The following TTF2 variants were observed in gnomAD, a reference collection of about 807,000 sequenced individuals.
TTF2 encodes transcription termination factor 2.
Under a neutral mutation model 142.4 loss-of-function variants are expected in TTF2, and 108 were observed. The ratio of observed to expected loss-of-function variants is 0.76; its 90% CI spans 0.65 to 0.89. The LOEUF (loss-of-function observed/expected upper bound fraction) is 0.89, where lower values mean the gene tolerates loss of function less well. Among genes scored for constraint, TTF2 ranks in the 40% least tolerant of loss-of-function variants. The probability of loss-of-function intolerance (pLI) is 0.00; values close to 1 mark genes in which losing one functional copy is unlikely to be tolerated. For synonymous variants in TTF2, 483 were observed against 506.2 expected (o/e 0.95, Z 0.61); for missense variants, 1,327 against 1,379.8 (o/e 0.96, Z 0.61).
Position 117,101,545 on chromosome 1 carries a change from A to T in TTF2, c.*21A>T, listed in dbSNP as rs1376564999. The T allele has an allele frequency of 1.3e-6, 2 of 1,554,754 alleles. No homozygotes were observed. The highest frequency in any genetic ancestry group is 1.7e-6 in the Non-Finnish European group (2 of 1,158,732). ...TCTAACCTCCTGTGGATAAGGGCTC[A>T]GAATAGCACCATTGCTGGTTTGTAT... On this transcript the variant is annotated 3_prime_UTR_variant, in exon 23 of 23. Coordinates refer to ENST00000369466, the MANE Select transcript of TTF2 (RefSeq NM_003594.4). The surrounding 1 kb of genome is among the most constrained non-coding windows in gnomAD (Gnocchi z 5.9).
chr1:117,060,428 T>G (rs762205648), intron 1 of TTF2, 27 bp from the exon 2 acceptor site: 1 of 1,611,114 alleles, frequency 6.2e-7, no homozygotes, highest in Non-Finnish European at 8.5e-7. Flanking sequence ...CGTGGCGTAA[T>G]CGTTGTTCAC....
rs201151490 is a variant in TTF2 at position 117,075,881 on chromosome 1, G to A, written c.1275+22G>A. 1.3e-5 allele frequency: 20 copies of A among 1,581,388 alleles called. No homozygotes were observed. In the East Asian group the frequency reaches 4.2e-4, roughly 34 times the overall value. On this transcript the variant is annotated intron_variant, in intron 5 of 22. Transcript: ENST00000369466. The surrounding 1 kb of genome is among the most constrained non-coding windows in gnomAD (Gnocchi z 4.5). ...GAAGGTAACTATTGACTCGTGTTTT[G>A]TTTCTGAGGTCAGAGCATTGCTTGT... is the stretch of plus-strand genomic sequence containing the variant.
rs1468584152 is a variant in TTF2, at chr1:117,105,199, G to A, written c.*3675G>A. On this transcript the variant is annotated 3_prime_UTR_variant, in exon 23 of 23. Transcript: ENST00000369466. The surrounding 1 kb of genome is among the most constrained non-coding windows in gnomAD (Gnocchi z 4.7). ...GCTGTGGGACAAGGTCTGGGAATAT[G>A]AGAACCAGCAGCAGCATGGGTGCAG... 1 of 152,234 alleles carries A rather than the reference G, an allele frequency of 6.6e-6. No homozygotes were observed. 9.4% of individuals were successfully genotyped at this position (152,234 alleles called of 1,614,324 possible). A position where few individuals can be genotyped will look rare whatever the true frequency, so the allele number is the denominator to read the frequency against.
At position 117,106,435 on chromosome 1, in the gene TTF2, C is replaced by T. The variant is rs963989630; in HGVS notation, c.*4911C>T. ...AGAGACTACTTCAGAAAGGATGAGA[C>T]TATTTTCTTGCTTAATTATCCACAC... On this transcript the variant is annotated 3_prime_UTR_variant, in exon 23 of 23. Transcript: ENST00000369466. The T allele has an allele frequency of 6.6e-6, 1 of 152,190 alleles. No homozygotes were observed. The highest frequency in any genetic ancestry group is 1.5e-5 in the Non-Finnish European group (1 of 68,032). 9.4% of individuals were successfully genotyped at this position (152,190 alleles called of 1,614,324 possible).
chr1:117,060,924 CAT>C (rs1440114834), intron 2 of TTF2, among the ~76,000 whole-genome samples: 1 of 152,204 alleles, frequency 6.6e-6, no homozygotes, highest in Non-Finnish European at 1.5e-5. Context: ...ACACAGCAGA[CAT>C]AGTGGAAAAT....
Position 117,076,929 on chromosome 1 carries a change from ACCTGTGGTT to A in TTF2, c.1573+108_1573+116del. The A allele has an allele frequency of 9.1e-7, 1 of 1,094,904 alleles. No individual in the cohort carries two copies. The allele number at this position is 1,094,904 out of a possible 1,614,324, so 67.8% of individuals were successfully genotyped here. A position where few individuals can be genotyped will look rare whatever the true frequency, so the allele number is the denominator to read the frequency against. On this transcript the variant is annotated intron_variant, in intron 7 of 22. Coordinates refer to ENST00000369466, the MANE Select transcript of TTF2 (RefSeq NM_003594.4). This position sits in a 1 kb window ranked among gnomAD's most constrained non-coding sequence, Gnocchi z 4.6. ...TCCACACTTTCAGTTAACCTTAGTC[ACCTGTGGTT>A]CAAAAAAAGGTGAGTACAGTACAGT...
At position 117,079,325 on chromosome 1, in the gene TTF2, G is replaced by T. The variant is rs55757120; in HGVS notation, c.1702-243G>T. Among the ~76,000 whole-genome samples, 2 of 152,218 alleles carry T rather than the reference G, an allele frequency of 1.3e-5. No homozygotes were observed. Among genetic ancestry groups the T allele is most frequent in the East Asian group, 3.9e-4 (2 of 5,176 alleles). ...ATCAGGACTCTCACTTGGGGTGTAG[G>T]GGGGACTCTTAATAGAAATGCTGAA... On this transcript the variant is annotated intron_variant, in intron 8 of 22. Transcript: ENST00000369466. This position sits in a 1 kb window ranked among gnomAD's most constrained non-coding sequence, Gnocchi z 4.2.
chr1:117,078,297 A>C (rs1360292424), intron 8 of TTF2, among the ~76,000 whole-genome samples: 1 of 152,232 alleles, frequency 6.6e-6, no homozygotes, highest in African/African-American at 2.4e-5. Flanking sequence ...GTGCCACAAG[A>C]ATGTGAAGGA....
At chr1:117,074,271 C>T (rs138278442) in intron 4 of TTF2, among the ~76,000 whole-genome samples, 2,443 of 152,254 alleles carry the variant, frequency 0.016, 34 homozygotes, top group Middle Eastern at 0.024. Context: ...TGTTTTAAGA[C>T]AATGTTTAGG....
In TTF2 at chr1:117,070,648, T is replaced by G. The variant is rs1656500724; in HGVS notation, c.219-3013T>G. Among the ~76,000 whole-genome samples, 1 of 152,258 alleles carries G rather than the reference T, an allele frequency of 6.6e-6. No homozygotes were observed. The highest frequency in any genetic ancestry group is 2.4e-5 in the African/African-American group (1 of 41,474). ...AGTAGCACCCACTGATGGCAGCTGT[T>G]ACTTTGAATTTTATGCATTCAAAGC... On this transcript the variant is annotated intron_variant, in intron 3 of 22. Transcript: ENST00000369466. The surrounding 1 kb of genome is among the most constrained non-coding windows in gnomAD (Gnocchi z 4.2).
intron 3 of TTF2, among the ~76,000 whole-genome samples, chr1:117,064,020 C>T (rs1655889510): frequency 6.6e-6 from 1 of 152,154 alleles, no homozygotes; most frequent in South Asian, 2.1e-4. Context: ...CCCTTCTGCC[C>T]TCTTCACTCC....
chr1:117,086,486 A>G lies in TTF2; in HGVS notation c.2124A>G (p.Gln708=). 6.2e-7 allele frequency: 1 copy of G among 1,614,134 alleles called. No individual in the cohort carries two copies. The highest frequency in any genetic ancestry group is 8.5e-7 in the Non-Finnish European group (1 of 1,180,006). The change falls in exon 12 of 23, where the codon CAA becomes CAG. Residue 708 remains glutamine (Q), a synonymous_variant. Coordinates refer to ENST00000369466, the MANE Select transcript of TTF2 (RefSeq NM_003594.4). The surrounding 1 kb of genome is among the most constrained non-coding windows in gnomAD (Gnocchi z 4.2). ...CCAAGGAGATTCCCACAAACAAGCA[A>G]GAGGCAGAGATCCCAGGTGCAAACC... ...LVAKEIPTNK[Q]EAEIPGANLN... is the part of the protein sequence containing the mutation.
At chr1:117,077,489 CGTGTGTGTGTAA>C (rs1431870263) in intron 7 of TTF2, among the ~76,000 whole-genome samples, 3 of 152,042 alleles carry the variant, frequency 2.0e-5, no homozygotes, top group Admixed American at 6.6e-5. Context: ...CTTATTCTTT[CGTGTGTGTGTAA>C]GTGTGTGTAA....
chr1:117,090,763 C>A lies in TTF2; in HGVS notation c.2588+140C>A. On this transcript the variant is annotated intron_variant, in intron 15 of 22. Transcript: ENST00000369466. The surrounding 1 kb of genome is among the most constrained non-coding windows in gnomAD (Gnocchi z 4.8). ...TGTCTGTATTCCCTTTTTTTTTTTACCCCATTTTTCTCCTTCTCCCCTCCC... is the reference window on the plus strand; with the variant it reads ...TGTCTGTATTCCCTTTTTTTTTTTAACCCATTTTTCTCCTTCTCCCCTCCC... 2 of 725,420 alleles carry A rather than the reference C, an allele frequency of 2.8e-6. No individual in the cohort carries two copies. The highest frequency in any genetic ancestry group is 4.4e-6 in the Non-Finnish European group (2 of 451,466). The allele number at this position is 725,420 out of a possible 1,614,324, so 44.9% of individuals were successfully genotyped here. A position where few individuals can be genotyped will look rare whatever the true frequency, so the allele number is the denominator to read the frequency against.
At chr1:117,068,311 G>A (rs973422593) in intron 3 of TTF2, among the ~76,000 whole-genome samples, 2 of 152,060 alleles carry the variant, frequency 1.3e-5, no homozygotes, top group Admixed American at 6.6e-5. Flanking sequence ...ACCAAACACC[G>A]CATGTTCTTA....
At position 117,076,715 on chromosome 1, in the gene TTF2, C is replaced by CTGGT. The variant is rs1312223608; in HGVS notation, c.1466_1469dup (p.Pro491GlyfsTer52). On this transcript the variant is annotated frameshift_variant, in exon 7 of 23. Transcript: ENST00000369466. LOFTEE classifies it high-confidence loss of function. This position sits in a 1 kb window ranked among gnomAD's most constrained non-coding sequence, Gnocchi z 4.6. The stretch of plus-strand genomic sequence containing the variant: ...CAAAACTACCACTGGCCCTCCCCAC[C>CTGGT]TGGTGCCTCCCCAACCCCTTCCTCG... 8.7e-6 allele frequency: 14 copies of CTGGT among 1,614,178 alleles called. No individual in the cohort carries two copies. Among genetic ancestry groups the CTGGT allele is most frequent in the Non-Finnish European group, 1.2e-5 (14 of 1,180,020 alleles).
rs775852351 is a variant in TTF2 at position 117,086,428 on chromosome 1, A to G, written c.2066A>G (p.Tyr689Cys). The change falls in exon 12 of 23, where the codon TAT (tyrosine) becomes TGT (cysteine). Residue 689 changes from tyrosine (Y) to cysteine (C), a missense_variant. By Grantham distance (194) the Tyr-to-Cys change is radical. Coordinates refer to ENST00000369466, the MANE Select transcript of TTF2 (RefSeq NM_003594.4). The surrounding 1 kb of genome is among the most constrained non-coding windows in gnomAD (Gnocchi z 4.2). ...RDSRARVLST[Y>C]DIVITTYSLV... is the part of the protein sequence containing the mutation. ...TTATGTCTACGCAGCCTCTCTACAT[A>G]TGACATCGTGATCACTACCTATAGC... 7 of 1,613,742 alleles carry G rather than the reference A, an allele frequency of 4.3e-6. No individual in the cohort carries two copies. The highest frequency in any genetic ancestry group is 1.1e-5 in the South Asian group (1 of 91,076).
At chr1:117,065,340 G>A (rs1193885901) in intron 3 of TTF2, among the ~76,000 whole-genome samples, 1 of 152,100 alleles carries the variant, frequency 6.6e-6, no homozygotes, top group Non-Finnish European at 1.5e-5. Flanking sequence ...AGCTGGGCGC[G>A]GCAATCCTAG....
At position 117,079,641 on chromosome 1, in the gene TTF2, G is replaced by T. The variant is rs1487729140; in HGVS notation, c.1775G>T (p.Gly592Val). The T allele has an allele frequency of 1.2e-6, 2 of 1,614,196 alleles. No homozygotes were observed. The highest frequency in any genetic ancestry group is 1.7e-6 in the Non-Finnish European group (2 of 1,180,014). Residue 592 changes from glycine to valine, a missense_variant, in exon 9 of 23, where the codon GGA becomes GTA. Coordinates refer to ENST00000369466, the MANE Select transcript of TTF2 (RefSeq NM_003594.4). The surrounding 1 kb of genome is among the most constrained non-coding windows in gnomAD (Gnocchi z 4.2). Reference sequence around the variant, plus strand: ...CGAGAAAGTCAGAAGCCACAAGGAGGAATTCTGGGTAAGTGTGGTATTATA... The same window carrying T: ...CGAGAAAGTCAGAAGCCACAAGGAGTAATTCTGGGTAAGTGTGGTATTATA... ...LWRESQKPQG[G>V]ILADDMGLGK...
Sources: gnomAD v4.1 joint callset for allele counts (sites outside exome capture counted in the v4.1 genomes callset) on GRCh38, gnomAD v4.1.1 for gene constraint, Gnocchi (gnomAD v3.1) non-coding constraint, MANE v1.5 for transcripts, NCBI Gene and HGNC (gene_info 2026-07-23, HGNC 2026-07-21) for gene names.